HIP1: variants seen among roughly 807,000 people sequenced by gnomAD.
HIP1 encodes huntingtin interacting protein 1, also known as huntingtin-interacting protein 1.
HIP1 carries 65 observed loss-of-function variants against 147.6 expected under a neutral mutation model. That is an observed-to-expected ratio of 0.44 (90% confidence interval 0.36 to 0.54). HIP1 has a LOEUF of 0.54. Among genes scored for constraint, HIP1 ranks in the 20% least tolerant of loss-of-function variants. The pLI is 0.00. For missense variants in HIP1, 1,061 were observed against 1,299.6 expected (o/e 0.82, Z 2.82); for synonymous variants, 479 against 504.0 (o/e 0.95, Z 0.67).
intron 7 of HIP1, among the ~76,000 whole-genome samples, chr7:75,577,296 T>C (rs1177702485): frequency 7.0e-6 from 1 of 142,186 alleles, no homozygotes; most frequent in Non-Finnish European, 1.5e-5. Flanking sequence ...TGTGCCACAG[T>C]ACTCCAGCCT....
chr7:75,638,055 T>A (rs950402778), intron 1 of HIP1, among the ~76,000 whole-genome samples: 1 of 107,286 alleles, frequency 9.3e-6, no homozygotes, highest in African/African-American at 3.8e-5. Flanking sequence ...GCTCCTTTCC[T>A]CGAAAGCCCT....
In HIP1 at chr7:75,559,742, A is replaced by G. The variant is rs782795336; in HGVS notation, c.1365T>C (p.Ser455=). Residue 455 remains serine (S), a synonymous_variant, in exon 14 of 31, where the codon TCT becomes TCC. Transcript: ENST00000336926. ...CCACCCACCGCTCACTTTCTATCTC[A>G]GACAGGCTCCGCTGAGCCTTCTCGG... ...EDTEKAQRSL[S]EIERKAQANE... 7.2e-6 allele frequency: 8 copies of G among 1,109,768 alleles called. No individual in the cohort carries two copies. In the South Asian group the frequency reaches 1.0e-4, roughly 14 times the overall value. 68.7% of individuals were successfully genotyped at this position (1,109,768 alleles called of 1,614,324 possible).
chr7:75,644,843 A>G (rs1179595), intron 1 of HIP1, among the ~76,000 whole-genome samples: 24,611 of 152,138 alleles, frequency 0.16, 2,277 homozygotes, highest in African/African-American at 0.26. Context: ...GATCCCAGCC[A>G]GGCTGTGATC....
intron 1 of HIP1, among the ~76,000 whole-genome samples, chr7:75,700,947 C>T (rs1312807882): frequency 5.3e-5 from 8 of 152,022 alleles, no homozygotes; most frequent in African/African-American, 7.2e-5. Flanking sequence ...CCTCGTGATC[C>T]GCCCGTCTCG....
chr7:75,738,554 C>G (rs1802101414), intron 1 of HIP1, among the ~76,000 whole-genome samples: 1 of 152,156 alleles, frequency 6.6e-6, no homozygotes, highest in Admixed American at 6.5e-5. Flanking sequence ...GATCAGGCTC[C>G]TCTTGGCCAC....
chr7:75,588,513 G>T (rs981919646), intron 4 of HIP1, among the ~76,000 whole-genome samples: 1 of 152,194 alleles, frequency 6.6e-6, no homozygotes, highest in African/African-American at 2.4e-5. Context: ...AGACACAGTG[G>T]CTCCTCCTGC....
chr7:75,590,790 T>C (rs186282989), intron 4 of HIP1, among the ~76,000 whole-genome samples: 1 of 152,356 alleles, frequency 6.6e-6, no homozygotes, highest in East Asian at 1.9e-4. Flanking sequence ...GAACGTTTTC[T>C]AGCACACAGT....
At position 75,539,338 on chromosome 7, in the gene HIP1, C is replaced by G. The variant is rs782438239; in HGVS notation, c.3046G>C (p.Glu1016Gln). 1 of 1,613,884 alleles carries G rather than the reference C, an allele frequency of 6.2e-7. No homozygotes were observed. The highest frequency in any genetic ancestry group is 8.5e-7 in the Non-Finnish European group (1 of 1,179,758). The part of the protein sequence containing the change: ...KKHYELAGVA[E>Q]GWEEGTEASP... ...GTCAGCTTACCTTCTTCCCAGCCCT[C>G]AGCAACACCAGCAAGCTCGTAGTGC... The change falls in exon 30 of 31, where the codon GAG (glutamate) becomes CAG (glutamine). Residue 1016 changes from glutamate to glutamine, a missense_variant. Coordinates refer to ENST00000336926, the MANE Select transcript of HIP1 (RefSeq NM_005338.7).
intron 25 of HIP1, 99 bp downstream of exon 25, chr7:75,546,840 G>A: frequency 3.6e-6 from 3 of 835,810 alleles, no homozygotes; most frequent in Non-Finnish European, 3.9e-6. Flanking sequence ...GTACTCAGGT[G>A]GACACACAGA....
In HIP1 at chr7:75,555,568, G is replaced by A. The variant is rs1554493096; in HGVS notation, c.1828-17C>T. ...CATAGATTCCTAAAAATGGTCCAGG[G>A]AGGTGAGAGTCTGCCCTAGACTCCA... is the stretch of plus-strand genomic sequence containing the variant. On this transcript the variant is annotated splice_polypyrimidine_tract_variant and intron_variant, in intron 18 of 30. Coordinates refer to ENST00000336926, the MANE Select transcript of HIP1 (RefSeq NM_005338.7). The A allele has an allele frequency of 6.2e-7, 1 of 1,614,050 alleles. No homozygotes were observed. Among genetic ancestry groups the A allele is most frequent in the Non-Finnish European group, 8.5e-7 (1 of 1,179,992 alleles).
At chr7:75,701,860 A>G (rs566130706) in intron 1 of HIP1, among the ~76,000 whole-genome samples, 1 of 152,234 alleles carries the variant, frequency 6.6e-6, no homozygotes, top group African/African-American at 2.4e-5. Context: ...TGCAACAACA[A>G]TAACAACAGG....
At chr7:75,618,217 G>A (rs1461059253) in intron 1 of HIP1, among the ~76,000 whole-genome samples, 4 of 151,420 alleles carry the variant, frequency 2.6e-5, no homozygotes, top group South Asian at 2.1e-4. Context: ...GTGTGATCTC[G>A]GCTCACTGCT....
At chr7:75,717,547 C>CG (rs1476113420) in intron 1 of HIP1, among the ~76,000 whole-genome samples, 1 of 151,654 alleles carries the variant, frequency 6.6e-6, no homozygotes, top group African/African-American at 2.4e-5. Flanking sequence ...AAGAATTAGC[C>CG]GGGGCCCGGT....
At chr7:75,539,219 C>T (rs1249133678) in intron 30 of HIP1, 104 bp downstream of exon 30, 21 of 745,156 alleles carry the variant, frequency 2.8e-5, no homozygotes, top group South Asian at 6.6e-5. Flanking sequence ...AAGAAGCCAC[C>T]GATCTGGTGG....
intron 7 of HIP1, among the ~76,000 whole-genome samples, chr7:75,577,044 A>G (rs1795868012): frequency 6.6e-6 from 1 of 152,036 alleles, no homozygotes; most frequent in South Asian, 2.1e-4. Context: ...TTCTTAAAGC[A>G]CAGGAGGCTG....
chr7:75,576,526 A>G (rs1554497745), intron 7 of HIP1, among the ~76,000 whole-genome samples: 1 of 152,134 alleles, frequency 6.6e-6, no homozygotes, highest in Admixed American at 6.6e-5. Context: ...GTTCGAGGCC[A>G]GCCTGGCCAA....
chr7:75,663,991 TATACAC>T lies in HIP1; in HGVS notation c.121-64750_121-64745del, dbSNP rs1799414911. On this transcript the variant is annotated intron_variant, in intron 1 of 30. Coordinates refer to ENST00000336926, the MANE Select transcript of HIP1 (RefSeq NM_005338.7). ...ATATATACACATATATGTGTATATA[TATACAC>T]ATATATGTGTATATATATACACATA... Among the ~76,000 whole-genome samples, 2 of 33,938 alleles carry T rather than the reference TATACAC, an allele frequency of 5.9e-5. 1 individual carries two copies. The highest frequency in any genetic ancestry group is 1.6e-3 in the South Asian group (2 of 1,236). The allele number at this position is 33,938 out of a possible 152,430, so 22.3% of individuals were successfully genotyped here. A position where few individuals can be genotyped will look rare whatever the true frequency, so the allele number is the denominator to read the frequency against.
At chr7:75,686,077 G>A (rs1250549247) in intron 1 of HIP1, among the ~76,000 whole-genome samples, 1 of 151,196 alleles carries the variant, frequency 6.6e-6, no homozygotes, top group Admixed American at 6.6e-5. Flanking sequence ...TGTATTTTTA[G>A]TAGAGAGAGT....
At chr7:75,553,203 G>T (rs1461590810) in intron 22 of HIP1, among the ~76,000 whole-genome samples, 1 of 151,998 alleles carries the variant, frequency 6.6e-6, no homozygotes, top group African/African-American at 2.4e-5. Flanking sequence ...CTCCCAAAGT[G>T]CTGGGATTAC....
Sources: gnomAD v4.1 joint callset for allele counts (sites outside exome capture counted in the v4.1 genomes callset) on GRCh38, gnomAD v4.1.1 for gene constraint, MANE v1.5 for transcripts, NCBI Gene and HGNC (gene_info 2026-07-23, HGNC 2026-07-21) for gene names.